Variants in PAPLN observed in about 807,000 individuals in gnomAD.
PAPLN encodes papilin.
In PAPLN, 146 loss-of-function variants were observed where a neutral mutation model predicts 159.0. The observed-to-expected ratio is 0.92, with a 90% CI of 0.80 to 1.05. The LOEUF is 1.05. Among genes scored for constraint, PAPLN ranks in the 50% least tolerant of loss-of-function variants. PAPLN has a pLI of 0.00. For synonymous variants in PAPLN, 734 were observed against 702.9 expected, an observed-to-expected ratio of 1.04 and a Z score of -0.70; for missense variants, 1,720 against 1,743.9, an observed-to-expected ratio of 0.99 and a Z score of 0.24.
At chr14:73,247,889 C>CGTGTGTGT (rs71112721) in intron 5 of PAPLN, among the ~76,000 whole-genome samples, 1 of 19,836 alleles carries the variant, frequency 5.0e-5, no homozygotes, top group Non-Finnish European at 7.8e-5. Context: ...TCATATCCTC[C>CGTGTGTGT]GTGTGTGTGT....
upstream of PAPLN, among the ~76,000 whole-genome samples, chr14:73,236,295 GC>G (rs1883031455): frequency 6.6e-6 from 1 of 152,260 alleles, no homozygotes; most frequent in African/African-American, 2.4e-5. Context: ...TGGTGGGGCT[GC>G]ATTGCAGGCC....
chr14:73,266,109 C>CG (rs891013280), intron 23 of PAPLN, among the ~76,000 whole-genome samples: 4 of 152,050 alleles, frequency 2.6e-5, no homozygotes, highest in African/African-American at 9.7e-5. Context: ...GAGGCCGAGA[C>CG]GGGGGTGGAT....
chr14:73,254,598 G>A lies in PAPLN; in HGVS notation c.1388G>A (p.Cys463Tyr), dbSNP rs1003137235. 3 of 1,614,078 alleles carry A rather than the reference G, an allele frequency of 1.9e-6. No homozygotes were observed. The highest frequency in any genetic ancestry group is 1.7e-6 in the Non-Finnish European group (2 of 1,179,936). The change falls in exon 13 of 27, where the codon TGC becomes TAC. Residue 463 changes from cysteine to tyrosine, a missense_variant. Coordinates refer to ENST00000644200, the MANE Select transcript of PAPLN (RefSeq NM_001365906.3). ...ERGSLLHTAACSLEDRPPLTE... is the reference protein window; with the variant it reads ...ERGSLLHTAAYSLEDRPPLTE... ...GGTTCTTTGCTCCATACCGCAGCGT[G>A]CTCCTTGGAAGACCGGCCACCTCTG...
Position 73,252,104 on chromosome 14 carries a change from C to T in PAPLN, c.930C>T (p.His310=), listed in dbSNP as rs746502307. 2.4e-5 allele frequency: 38 copies of T among 1,610,098 alleles called. No homozygotes were observed. Among genetic ancestry groups the T allele is most frequent in the Non-Finnish European group, 2.8e-5 (33 of 1,178,534 alleles). ...RRPSPGFSWS[H]GSWSDCSAEC... is the part of the protein sequence containing the mutation. ...CCAGCCCCGGCTTCAGCTGGAGCCA[C>T]GGCTCATGGAGTGACTGCAGCGCGG... Residue 310 remains histidine, a synonymous_variant, in exon 10 of 27, where the codon CAC becomes CAT. Transcript: ENST00000644200.
intron 2 of PAPLN, among the ~76,000 whole-genome samples, chr14:73,240,771 C>A (rs1308620603): frequency 6.6e-6 from 1 of 152,188 alleles, no homozygotes; most frequent in East Asian, 1.9e-4. Context: ...TGAGGATGTA[C>A]AAGGAATCTT....
At chr14:73,248,166 CCT>C (rs1884812904) in intron 5 of PAPLN, among the ~76,000 whole-genome samples, 1 of 104,716 alleles carries the variant, frequency 9.5e-6, no homozygotes, top group Non-Finnish European at 1.8e-5. Context: ...AGTCTCATAT[CCT>C]CTGTGTGTGT....
intron 11 of PAPLN, 32 bp downstream of exon 11, chr14:73,252,807 G>A (rs766904344): frequency 5.6e-6 from 9 of 1,611,384 alleles, no homozygotes; most frequent in Non-Finnish European, 7.6e-6. Context: ...TACCCATGAT[G>A]AGGCCCAAGA....
In PAPLN at chr14:73,251,031, G is replaced by A; in HGVS notation, c.589+1G>A. The A allele has an allele frequency of 1.2e-6, 2 of 1,609,814 alleles. No homozygotes were observed. The highest frequency in any genetic ancestry group is 8.5e-7 in the Non-Finnish European group (1 of 1,178,130). On this transcript the variant is annotated splice_donor_variant, in intron 7 of 26. Coordinates refer to ENST00000644200, the MANE Select transcript of PAPLN (RefSeq NM_001365906.3). LOFTEE classifies it high-confidence loss of function. Reference sequence around the variant, plus strand: ...TTTGACGCTAATGACCTCAGCCGAGGTGGGGGTGGTTCCGACAAGGGGCAG... The same window carrying A: ...TTTGACGCTAATGACCTCAGCCGAGATGGGGGTGGTTCCGACAAGGGGCAG...
At chr14:73,244,576 T>A in intron 2 of PAPLN, 68 bp from the exon 3 acceptor site, 1 of 1,347,070 alleles carries the variant, frequency 7.4e-7, no homozygotes, top group Non-Finnish European at 1.0e-6. Flanking sequence ...AGGCAGAGCA[T>A]CTTTGGAGGG....
At chr14:73,247,030 A>C (rs187411473) in intron 5 of PAPLN, 1 of 152,116 alleles carries the variant, frequency 6.6e-6, no homozygotes, top group African/African-American at 2.4e-5. Context: ...AAACGAAGCT[A>C]TGGTGTGTCT....
At chr14:73,268,410 C>T in intron 25 of PAPLN, 147 bp from the exon 26 acceptor site, 4 of 787,560 alleles carry the variant, frequency 5.1e-6, no homozygotes, top group South Asian at 4.3e-5. Context: ...AAACCTTGGT[C>T]ATTCTTGATT....
chr14:73,244,599 A>C, intron 2 of PAPLN, 45 bp from the exon 3 acceptor site: 1 of 1,490,734 alleles, frequency 6.7e-7, no homozygotes, highest in Non-Finnish European at 9.2e-7. Context: ...CTCTGGGCTC[A>C]GGCTGTGAGT....
intron 14 of PAPLN, among the ~76,000 whole-genome samples, chr14:73,256,392 C>T (rs1414396152): frequency 6.6e-6 from 1 of 151,818 alleles, no homozygotes; most frequent in Non-Finnish European, 1.5e-5. Flanking sequence ...ATTAGCTGGG[C>T]GTTGTGGCAG....
chr14:73,262,873 A>G, intron 19 of PAPLN, 46 bp downstream of exon 19: 1 of 1,393,616 alleles, frequency 7.2e-7, no homozygotes, highest in Non-Finnish European at 9.4e-7. Context: ...CGCCCAGACA[A>G]GGAGCATGCC....
Position 73,246,061 on chromosome 14 carries a change from T to A in PAPLN, c.232-12T>A, listed in dbSNP as rs746819827. On this transcript the variant is annotated splice_polypyrimidine_tract_variant and intron_variant, in intron 4 of 26. Coordinates refer to ENST00000644200, the MANE Select transcript of PAPLN (RefSeq NM_001365906.3). Reference sequence around the variant, plus strand: ...CGCCCTCCTGGATCCCGACTTCCCCTCCGCCCCGCAGAGCTGCCCCGACGG... The same window carrying A: ...CGCCCTCCTGGATCCCGACTTCCCCACCGCCCCGCAGAGCTGCCCCGACGG... The A allele has an allele frequency of 7.9e-6, 12 of 1,526,104 alleles. No homozygotes were observed. Among genetic ancestry groups the A allele is most frequent in the Admixed American group, 2.1e-5 (1 of 48,498 alleles). 94.5% of individuals were successfully genotyped at this position (1,526,104 alleles called of 1,614,324 possible).
At position 73,261,212 on chromosome 14, in the gene PAPLN, C is replaced by T. The variant is rs1886539603; in HGVS notation, c.2163C>T (p.Gly721=). 2.5e-6 allele frequency: 4 copies of T among 1,614,022 alleles called. No homozygotes were observed. The highest frequency in any genetic ancestry group is 3.4e-6 in the Non-Finnish European group (4 of 1,180,016). The change falls in exon 18 of 27, where the codon GGC becomes GGT. Residue 721 remains glycine, a synonymous_variant. Coordinates refer to ENST00000644200, the MANE Select transcript of PAPLN (RefSeq NM_001365906.3). The stretch of plus-strand genomic sequence containing the variant: ...AGAATGAGCCCAGTGAGTGCCGGGG[C>T]TCCCAGTTTGGCTGTTGCTATGACA... ...AQQNEPSECR[G]SQFGCCYDNV... is the part of the protein sequence containing the mutation.
chr14:73,236,814 CT>C (rs1883057165), upstream of PAPLN, among the ~76,000 whole-genome samples: 1 of 111,702 alleles, frequency 9.0e-6, no homozygotes, highest in South Asian at 3.1e-4. Context: ...GAAACTCCGT[CT>C]AAAAAAAAAA....
At chr14:73,239,940 G>C (rs955012804) in intron 2 of PAPLN, 108 bp downstream of exon 2, 9 of 1,449,982 alleles carry the variant, frequency 6.2e-6, no homozygotes, top group Non-Finnish European at 8.1e-6. Context: ...TGTCAGGGAA[G>C]CTGGGCTGGG....
intron 12 of PAPLN, among the ~76,000 whole-genome samples, 197 bp from the exon 13 acceptor site, chr14:73,254,316 A>G (rs773590115): frequency 9.2e-5 from 14 of 152,156 alleles, no homozygotes; most frequent in Non-Finnish European, 1.9e-4. Context: ...ATGGGTGACA[A>G]CCTCAGTCTG....
Sources: gnomAD v4.1 joint callset for allele counts (sites outside exome capture counted in the v4.1 genomes callset) on GRCh38, gnomAD v4.1.1 for gene constraint, MANE v1.5 for transcripts, NCBI Gene and HGNC (gene_info 2026-07-23, HGNC 2026-07-21) for gene names.